RPS6KA2: variants seen among roughly 807,000 people sequenced by gnomAD.
RPS6KA2 encodes ribosomal protein S6 kinase A2, also known as ribosomal protein S6 kinase alpha-2.
RPS6KA2 carries 42 observed loss-of-function variants against 91.8 expected under a neutral mutation model. That is an observed-to-expected ratio of 0.46 (90% CI 0.36 to 0.59). The LOEUF is 0.59. RPS6KA2 is among the 20% of genes least tolerant of loss of function. RPS6KA2 has a pLI of 0.00. For synonymous variants in RPS6KA2, 414 were observed against 393.6 expected, an observed-to-expected ratio of 1.05 and a Z score of -0.61; for missense variants, 798 against 978.5, an observed-to-expected ratio of 0.82 and a Z score of 2.46.
chr6:166,857,475 T>C (rs910569653), intron 2 of RPS6KA2, among the ~76,000 whole-genome samples: 1 of 152,220 alleles, frequency 6.6e-6, no homozygotes, highest in Non-Finnish European at 1.5e-5. Context: ...GTCTCCCTGA[T>C]GGATACACTT....
At position 166,676,031 on chromosome 6, in the gene RPS6KA2, G is replaced by A. The variant is rs969527078; in HGVS notation, c.124-137247C>T. Among the ~76,000 whole-genome samples, 3 of 152,202 alleles carry A rather than the reference G, an allele frequency of 2.0e-5. No homozygotes were observed. In the East Asian group the frequency reaches 5.8e-4, roughly 29 times the overall value. On this transcript the variant is annotated intron_variant, in intron 2 of 21. Coordinates refer to the RPS6KA2 transcript ENST00000503859. The stretch of plus-strand genomic sequence containing the variant: ...ACTGGCTCGCCAATGAAAAGTCCTG[G>A]GAGGCCGGGTGCGGTGGCTCATACC...
chr6:166,602,312 G>A (rs962304666), intron 1 of RPS6KA2, among the ~76,000 whole-genome samples: 12 of 152,200 alleles, frequency 7.9e-5, no homozygotes, highest in Non-Finnish European at 1.8e-4. Flanking sequence ...TACTATAGTT[G>A]AAGATCGTGT....
At position 166,793,118 on chromosome 6, in the gene RPS6KA2, C is replaced by A. The variant is rs1171657908; in HGVS notation, c.123+65082G>T. On this transcript the variant is annotated intron_variant, in intron 2 of 21. Transcript: ENST00000503859. ...TATCTAGAAAACCCCACTGTCTCAG[C>A]CCAAAATCTCCTTAAGCTGATAACC... is the stretch of plus-strand genomic sequence containing the variant. Among the ~76,000 whole-genome samples, 8 of 152,092 alleles carry A rather than the reference C, an allele frequency of 5.3e-5. 1 individual carries two copies. In the South Asian group the frequency reaches 1.7e-3, roughly 32 times the overall value.
Position 166,412,747 on chromosome 6 carries a change from C to T in RPS6KA2, c.*15G>A. The T allele has an allele frequency of 6.3e-7, 1 of 1,579,786 alleles. No homozygotes were observed. The highest frequency in any genetic ancestry group is 8.6e-7 in the Non-Finnish European group (1 of 1,163,814). ...AGGATGCTGGCAGGGGACGCTGGGG[C>T]CAGGGTCCCACCCGCTACAGCCGCG... is the stretch of plus-strand genomic sequence containing the variant. On this transcript the variant is annotated 3_prime_UTR_variant, in exon 21 of 21. Transcript: ENST00000265678. This position sits in a 1 kb window ranked among gnomAD's most constrained non-coding sequence, Gnocchi z 4.3.
At chr6:166,722,787 A>C (rs944004753) in intron 2 of RPS6KA2, among the ~76,000 whole-genome samples, 4 of 152,190 alleles carry the variant, frequency 2.6e-5, no homozygotes, top group Non-Finnish European at 5.9e-5. Flanking sequence ...TCAGTCTACT[A>C]CTTAGACTTT....
chr6:166,738,235 A>C (rs1019591475), intron 2 of RPS6KA2, among the ~76,000 whole-genome samples: 2 of 152,228 alleles, frequency 1.3e-5, no homozygotes, highest in Non-Finnish European at 2.9e-5. Context: ...AGTAATTATA[A>C]CTCAAACAGT....
rs1315778253 is a variant in RPS6KA2, at chr6:166,508,830, C to G, written c.380-548G>C. On this transcript the variant is annotated intron_variant, in intron 4 of 20. Transcript: ENST00000265678. This position sits in a 1 kb window ranked among gnomAD's most constrained non-coding sequence, Gnocchi z 4.3. ...ATGGGGCTCACGTCCTAGGTCTGGT[C>G]ACTGTGAGCTATAACTGCAGACTTT... is the stretch of plus-strand genomic sequence containing the variant. 2.0e-5 allele frequency among the ~76,000 whole-genome samples: 3 copies of G among 152,200 alleles called. No individual in the cohort carries two copies. The highest frequency in any genetic ancestry group is 4.4e-5 in the Non-Finnish European group (3 of 68,042).
chr6:166,701,502 TG>T, intron 2 of RPS6KA2: 1 of 1,326,570 alleles, frequency 7.5e-7, no homozygotes, highest in Non-Finnish European at 1.1e-6. Context: ...GTGCTTCCAC[TG>T]GAGCAATCTT....
intron 3 of RPS6KA2, among the ~76,000 whole-genome samples, chr6:166,527,101 C>T (rs1468026832): frequency 6.6e-6 from 1 of 152,188 alleles, no homozygotes; most frequent in African/African-American, 2.4e-5. Flanking sequence ...GCTAAGAGGC[C>T]AAGGTCAGCC....
chr6:166,841,601 C>A (rs993088639), intron 2 of RPS6KA2, among the ~76,000 whole-genome samples: 1 of 152,272 alleles, frequency 6.6e-6, no homozygotes, highest in African/African-American at 2.4e-5. Context: ...GATCTAGACA[C>A]AGCAGGTGCT....
intron 12 of RPS6KA2, among the ~76,000 whole-genome samples, chr6:166,455,960 T>A (rs1780089635): frequency 6.6e-6 from 1 of 152,088 alleles, no homozygotes; most frequent in Non-Finnish European, 1.5e-5. Flanking sequence ...GCCACACGAG[T>A]GTGAAGTGCT....
chr6:166,413,694 C>T (rs1056460167), intron 20 of RPS6KA2, 100 bp downstream of exon 20: 1 of 1,312,102 alleles, frequency 7.6e-7, no homozygotes, highest in Non-Finnish European at 1.1e-6. Context: ...TGGGCTCTTT[C>T]TCTGCACTCT....
chr6:166,660,375 T>G (rs1169728539), intron 2 of RPS6KA2, among the ~76,000 whole-genome samples: 1 of 149,656 alleles, frequency 6.7e-6, no homozygotes, highest in Non-Finnish European at 1.5e-5. Context: ...TGCATGTGTG[T>G]GCATGTGTAT....
intron 2 of RPS6KA2, among the ~76,000 whole-genome samples, chr6:166,850,204 AT>A (rs36016573): frequency 0.55 from 83,340 of 151,874 alleles, 25,806 homozygotes; most frequent in Middle Eastern, 0.76. Flanking sequence ...GGGTACAAGG[AT>A]TTTTTTTCCC....
At chr6:166,751,997 C>T (rs1374553612) in intron 2 of RPS6KA2, among the ~76,000 whole-genome samples, 1 of 152,126 alleles carries the variant, frequency 6.6e-6, no homozygotes, top group Non-Finnish European at 1.5e-5. Flanking sequence ...AAAGGGGCCC[C>T]AGAAGACAAA....
At chr6:166,680,496 T>C (rs1274840485) in intron 2 of RPS6KA2, among the ~76,000 whole-genome samples, 1 of 152,192 alleles carries the variant, frequency 6.6e-6, no homozygotes, top group African/African-American at 2.4e-5. Flanking sequence ...TAGTAAATCT[T>C]GCTGGTGCCC....
Position 166,508,349 on chromosome 6 carries a change from C to A in RPS6KA2, c.380-67G>T. ...GTCCTGTGGCAACATCGCTCTCTGGCTTCTCCCTGCTCACGGTGCTGCTTA... is the reference window on the plus strand; with the variant it reads ...GTCCTGTGGCAACATCGCTCTCTGGATTCTCCCTGCTCACGGTGCTGCTTA... On this transcript the variant is annotated intron_variant, in intron 4 of 20. Coordinates refer to ENST00000265678, the MANE Select transcript of RPS6KA2 (RefSeq NM_021135.6). This position sits in a 1 kb window ranked among gnomAD's most constrained non-coding sequence, Gnocchi z 4.3. The A allele has an allele frequency of 9.7e-7, 1 of 1,025,750 alleles. No individual in the cohort carries two copies. The highest frequency in any genetic ancestry group is 1.8e-5 in the Admixed American group (1 of 55,836). The allele number at this position is 1,025,750 out of a possible 1,614,324, so 63.5% of individuals were successfully genotyped here. A position where few individuals can be genotyped will look rare whatever the true frequency, so the allele number is the denominator to read the frequency against.
intron 1 of RPS6KA2, among the ~76,000 whole-genome samples, chr6:166,615,695 C>T (rs873070): frequency 0.13 from 20,306 of 152,182 alleles, 1,431 homozygotes; most frequent in Non-Finnish European, 0.17. Context: ...GAATGAGATA[C>T]CGATGGTCTC....
At chr6:166,693,198 CACCGCAGCTCGCAGGAGGT>C (rs1203707038) in intron 2 of RPS6KA2, among the ~76,000 whole-genome samples, 1 of 152,210 alleles carries the variant, frequency 6.6e-6, no homozygotes, top group Non-Finnish European at 1.5e-5. Context: ...GAGCACCTGG[CACCGCAGCTCGCAGGAGGT>C]GCTGCAGCGA....
Sources: allele counts gnomAD v4.1 joint callset (sites outside exome capture counted in the v4.1 genomes callset), GRCh38; gene constraint gnomAD v4.1.1; non-coding constraint Gnocchi (gnomAD v3.1); transcripts MANE v1.5; gene names NCBI Gene and HGNC (gene_info 2026-07-23, HGNC 2026-07-21).